Variants in RPA3 observed in about 807,000 individuals in gnomAD.
The protein encoded by RPA3 is replication protein A 14 kDa subunit.
Under a neutral mutation model 13.7 loss-of-function variants are expected in RPA3, and 24 were observed. The observed-to-expected ratio is 1.75, with a 90% CI of 1.27 to 2.46. The LOEUF is 2.46. Ranked by LOEUF, RPA3 falls within the 30% of genes most tolerant of loss-of-function variation. The pLI, the probability that RPA3 is intolerant of heterozygous loss-of-function variation, is 0.00. For missense variants in RPA3, 183 were observed against 151.0 expected, an observed-to-expected ratio of 1.21 and a Z score of -1.11; for synonymous variants, 59 against 51.2, an observed-to-expected ratio of 1.15 and a Z score of -0.65.
intron 4 of RPA3, among the ~76,000 whole-genome samples, chr7:7,642,865 G>A (rs1785005991): frequency 6.6e-6 from 1 of 152,124 alleles, no homozygotes; most frequent in Admixed American, 6.5e-5. Flanking sequence ...TTTCTAGGTG[G>A]TTTTATCACA....
chr7:7,664,538 G>T (rs1325158967), intron 4 of RPA3, among the ~76,000 whole-genome samples: 1 of 152,068 alleles, frequency 6.6e-6, no homozygotes, highest in Non-Finnish European at 1.5e-5. Flanking sequence ...TTATCTACAT[G>T]GTTCCTTCCT....
At chr7:7,660,210 G>A (rs1785439644) in intron 4 of RPA3, among the ~76,000 whole-genome samples, 1 of 152,036 alleles carries the variant, frequency 6.6e-6, no homozygotes, top group African/African-American at 2.4e-5. Context: ...ACATGAGATG[G>A]GTCTCCTGAA....
chr7:7,643,520 G>C (rs984921959), intron 4 of RPA3, among the ~76,000 whole-genome samples: 15 of 152,184 alleles, frequency 9.9e-5, no homozygotes, highest in African/African-American at 3.4e-4. Context: ...AGACCACCCT[G>C]GTCAACATGG....
At chr7:7,639,874 A>C (rs1784925038) in intron 5 of RPA3, 1 of 195,424 alleles carries the variant, frequency 5.1e-6, no homozygotes, top group South Asian at 7.0e-5. Flanking sequence ...TTACTACGGG[A>C]CCCAAAGCGG....
intron 4 of RPA3, among the ~76,000 whole-genome samples, chr7:7,657,452 C>T (rs866706755): frequency 1.8e-4 from 27 of 152,254 alleles, no homozygotes; most frequent in Non-Finnish European, 2.9e-4. Context: ...TTACGTCTTA[C>T]GTTTAGGTCT....
intron 7 of RPA3, among the ~76,000 whole-genome samples, chr7:7,637,424 T>C (rs1784882184): frequency 6.6e-6 from 1 of 152,148 alleles, no homozygotes; most frequent in African/African-American, 2.4e-5. Flanking sequence ...TTAATTAATC[T>C]TTACTGAGTT....
chr7:7,655,238 G>A (rs1001548891), intron 4 of RPA3, among the ~76,000 whole-genome samples: 6 of 152,118 alleles, frequency 3.9e-5, no homozygotes, highest in Non-Finnish European at 8.8e-5. Context: ...GAATAAACTA[G>A]ACTGCCCCTT....
chr7:7,667,470 T>C (rs918192383), intron 4 of RPA3, among the ~76,000 whole-genome samples: 1 of 152,174 alleles, frequency 6.6e-6, no homozygotes, highest in Admixed American at 6.5e-5. Flanking sequence ...AAATTACTCT[T>C]AATTCTGCTA....
chr7:7,659,377 G>A (rs1785420259), intron 4 of RPA3, among the ~76,000 whole-genome samples: 1 of 152,040 alleles, frequency 6.6e-6, no homozygotes, highest in African/African-American at 2.4e-5. Context: ...TGCTTCTCTA[G>A]TTCTTTTAAT....
chr7:7,683,061 A>G (rs148301815), intron 4 of RPA3, among the ~76,000 whole-genome samples: 1 of 152,304 alleles, frequency 6.6e-6, no homozygotes, highest in East Asian at 1.9e-4. Flanking sequence ...TTGAATGTAC[A>G]GTGAAAGGCA....
chr7:7,704,622 G>A (rs1270379590), intron 2 of RPA3, among the ~76,000 whole-genome samples: 3 of 144,678 alleles, frequency 2.1e-5, no homozygotes, highest in African/African-American at 7.8e-5. Context: ...AAAAAAATTA[G>A]CTGGGCATGG....
At chr7:7,713,885 C>T (rs1780826835) in intron 2 of RPA3, among the ~76,000 whole-genome samples, 1 of 152,142 alleles carries the variant, frequency 6.6e-6, no homozygotes, top group Non-Finnish European at 1.5e-5. Context: ...GGCTGGAGTG[C>T]AGTGGTGTGA....
intron 4 of RPA3, among the ~76,000 whole-genome samples, chr7:7,642,418 C>G (rs1348857280): frequency 6.6e-6 from 1 of 152,032 alleles, no homozygotes; most frequent in African/African-American, 2.4e-5. Context: ...GTCTCCCTCC[C>G]AAAGTACTGG....
chr7:7,647,280 A>C (rs1235489129), intron 4 of RPA3, among the ~76,000 whole-genome samples: 3 of 152,122 alleles, frequency 2.0e-5, no homozygotes, highest in Admixed American at 6.5e-5. Context: ...TATAGGTTTT[A>C]TTAAAGTTAT....
intron 4 of RPA3, among the ~76,000 whole-genome samples, chr7:7,648,165 C>A (rs929515285): frequency 6.6e-6 from 1 of 152,164 alleles, no homozygotes; most frequent in Non-Finnish European, 1.5e-5. Flanking sequence ...GAAGTCATTT[C>A]GTTCTAAATC....
Position 7,669,328 on chromosome 7 carries a change from G to A in RPA3, c.-758+16502C>T, listed in dbSNP as rs112060009. Among the ~76,000 whole-genome samples, 306 of 152,180 alleles carry A rather than the reference G, an allele frequency of 2.0e-3. 1 individual carries two copies. The highest frequency in any genetic ancestry group is 7.9e-3 in the South Asian group (38 of 4,826). ...GTGGCATTTGTAGTTATTCCCCTTCGCCTTTCCAGTTACTAGTCTTAGGCA... is the reference window on the plus strand; with the variant it reads ...GTGGCATTTGTAGTTATTCCCCTTCACCTTTCCAGTTACTAGTCTTAGGCA... On this transcript the variant is annotated intron_variant, in intron 4 of 7. Transcript: ENST00000223129.
chr7:7,675,079 G>A (rs1779705285), intron 4 of RPA3, among the ~76,000 whole-genome samples: 1 of 152,042 alleles, frequency 6.6e-6, no homozygotes, highest in African/African-American at 2.4e-5. Flanking sequence ...TGCCCAGGTT[G>A]GTCTTGAACT....
chr7:7,704,082 A>C (rs1291258533), intron 2 of RPA3, among the ~76,000 whole-genome samples: 1 of 152,186 alleles, frequency 6.6e-6, no homozygotes, highest in Non-Finnish European at 1.5e-5. Flanking sequence ...TTTCCAACTA[A>C]GTATCTGTGT....
intron 4 of RPA3, among the ~76,000 whole-genome samples, chr7:7,675,624 A>T (rs1779719123): frequency 6.6e-6 from 1 of 152,132 alleles, no homozygotes; most frequent in Non-Finnish European, 1.5e-5. Context: ...AATTTCCGGG[A>T]CCTAATTACT....
Sources: allele counts gnomAD v4.1 joint callset (sites outside exome capture counted in the v4.1 genomes callset), GRCh38; gene constraint gnomAD v4.1.1; transcripts MANE v1.5; gene names NCBI Gene and HGNC (gene_info 2026-07-23, HGNC 2026-07-21).